Variants in PPM1E observed in about 807,000 individuals in gnomAD.
PPM1E encodes the protein protein phosphatase 1E.
A neutral mutation model predicts 65.9 loss-of-function variants in PPM1E; 20 were observed. The ratio of observed to expected loss-of-function variants is 0.30; its 90% CI spans 0.21 to 0.44. PPM1E has a LOEUF of 0.44. PPM1E is among the 20% of genes least tolerant of loss of function. PPM1E has a pLI of 1.00. For missense variants in PPM1E, 713 were observed against 953.1 expected, an observed-to-expected ratio of 0.75 and a Z score of 3.32; for synonymous variants, 352 against 374.9, an observed-to-expected ratio of 0.94 and a Z score of 0.70.
intron 2 of PPM1E, among the ~76,000 whole-genome samples, chr17:58,963,942 C>A (rs1407802174): frequency 1.3e-5 from 2 of 152,068 alleles, no homozygotes; most frequent in Non-Finnish European, 2.9e-5. Context: ...GGATTTACCA[C>A]CCTGTGCTAT....
intron 1 of PPM1E, among the ~76,000 whole-genome samples, chr17:58,782,409 T>G (rs1265504353): frequency 1.3e-5 from 2 of 151,408 alleles, no homozygotes; most frequent in African/African-American, 4.8e-5. Context: ...GTTTTTGTTT[T>G]TTTTTTTTTT....
At chr17:58,838,110 T>C (rs941767840) in intron 1 of PPM1E, among the ~76,000 whole-genome samples, 1 of 152,158 alleles carries the variant, frequency 6.6e-6, no homozygotes, top group African/African-American at 2.4e-5. Context: ...GAAGATAACA[T>C]AGGAGAAATC....
intron 1 of PPM1E, among the ~76,000 whole-genome samples, chr17:58,864,778 A>G (rs1357213531): frequency 6.6e-6 from 1 of 151,886 alleles, no homozygotes; most frequent in East Asian, 1.9e-4. Flanking sequence ...TGTACTGAAA[A>G]TACAAAAATT....
chr17:58,900,541 A>G lies in PPM1E; in HGVS notation c.465-55108A>G, dbSNP rs563842507. ...TGCTATTGTACACTTAATAGACTAC[A>G]GTATAATGTAAACATAGCTTTTATA... On this transcript the variant is annotated intron_variant, in intron 1 of 6. Transcript: ENST00000308249. 3.9e-5 allele frequency among the ~76,000 whole-genome samples: 6 copies of G among 152,358 alleles called. No individual in the cohort carries two copies. In the South Asian group the frequency reaches 1.0e-3, roughly 26 times the overall value.
At chr17:58,869,879 C>CT (rs1348207319) in intron 1 of PPM1E, among the ~76,000 whole-genome samples, 1 of 152,158 alleles carries the variant, frequency 6.6e-6, no homozygotes, top group Non-Finnish European at 1.5e-5. Flanking sequence ...TGTGCCTTTG[C>CT]TATCCTATTT....
intron 1 of PPM1E, among the ~76,000 whole-genome samples, chr17:58,918,337 A>ATTTTTATCAGGTAGCGTTTT (rs2051709239): frequency 6.6e-6 from 1 of 152,156 alleles, no homozygotes; most frequent in South Asian, 2.1e-4. Flanking sequence ...TCCTAAGGGC[A>ATTTTTATCAGGTAGCGTTTT]TATCGTTTTT....
At chr17:58,973,834 C>T (rs545247464) in intron 6 of PPM1E, among the ~76,000 whole-genome samples, 30 of 151,692 alleles carry the variant, frequency 2.0e-4, no homozygotes, top group African/African-American at 6.8e-4. Context: ...CGTCTGTAGT[C>T]CCAGCTACTT....
At chr17:58,881,384 C>A (rs542024630) in intron 1 of PPM1E, among the ~76,000 whole-genome samples, 1 of 152,268 alleles carries the variant, frequency 6.6e-6, no homozygotes, top group African/African-American at 2.4e-5. Flanking sequence ...CAAAAATTGG[C>A]CGGGCGTGGT....
chr17:58,963,599 C>T (rs984394060), intron 2 of PPM1E, among the ~76,000 whole-genome samples: 3 of 151,978 alleles, frequency 2.0e-5, no homozygotes, highest in Admixed American at 2.0e-4. Context: ...GTCCCAGCTA[C>T]TCGGGAGGCT....
chr17:58,837,796 C>A (rs1364502163), intron 1 of PPM1E, among the ~76,000 whole-genome samples: 1 of 152,154 alleles, frequency 6.6e-6, no homozygotes, highest in Non-Finnish European at 1.5e-5. Flanking sequence ...CCACAACCAG[C>A]CCATGAGGTT....
rs2049897937 is a variant in PPM1E, at chr17:58,767,862, G to A, written c.464+11401G>A. Among the ~76,000 whole-genome samples, 8 of 151,904 alleles carry A rather than the reference G, an allele frequency of 5.3e-5. No individual in the cohort carries two copies. The South Asian group carries it at 1.7e-3, about 32-fold the overall frequency. On this transcript the variant is annotated intron_variant, in intron 1 of 6. Coordinates refer to ENST00000308249, the MANE Select transcript of PPM1E (RefSeq NM_014906.5). ...TCTCCATGTCGGTCAGACTGGTCTC[G>A]AACTCCCGACCTCAGGTGATCCGCC...
intron 1 of PPM1E, among the ~76,000 whole-genome samples, chr17:58,898,079 G>T (rs1050486978): frequency 2.0e-5 from 3 of 151,856 alleles, no homozygotes; most frequent in Non-Finnish European, 2.9e-5. Flanking sequence ...GTGAAACTCC[G>T]TCTCTACTAA....
chr17:58,923,698 G>T (rs572458276), intron 1 of PPM1E, among the ~76,000 whole-genome samples: 35 of 147,914 alleles, frequency 2.4e-4, no homozygotes, highest in South Asian at 4.3e-4. Context: ...AGTGAGCTGA[G>T]ATCGCACTAC....
At chr17:58,931,066 T>TAAAAAAAAAA (rs774968022) in intron 1 of PPM1E, among the ~76,000 whole-genome samples, 2 of 83,120 alleles carry the variant, frequency 2.4e-5, no homozygotes, top group Non-Finnish European at 4.7e-5. Flanking sequence ...ATACAAAAAT[T>TAAAAAAAAAA]AAAAAAAAAA....
chr17:58,938,266 T>C (rs546906824), intron 1 of PPM1E, among the ~76,000 whole-genome samples: 1 of 152,292 alleles, frequency 6.6e-6, no homozygotes, highest in African/African-American at 2.4e-5. Context: ...GTTGAGGAAA[T>C]TGAAATCCAG....
At chr17:58,966,266 G>A in intron 3 of PPM1E, 1 of 368,710 alleles carries the variant, frequency 2.7e-6, no homozygotes, top group South Asian at 2.1e-5. Flanking sequence ...TGTAATCCTA[G>A]CACTTTGGGA....
At chr17:58,847,658 G>A (rs1272340375) in intron 1 of PPM1E, among the ~76,000 whole-genome samples, 3 of 152,308 alleles carry the variant, frequency 2.0e-5, no homozygotes, top group African/African-American at 7.2e-5. Flanking sequence ...GTACCATGCT[G>A]TTTTGGTTAC....
intron 1 of PPM1E, among the ~76,000 whole-genome samples, chr17:58,833,253 A>T (rs1047825687): frequency 6.6e-6 from 1 of 150,954 alleles, no homozygotes; most frequent in Non-Finnish European, 1.5e-5. Flanking sequence ...TCACACCCCA[A>T]TCCTAACCCC....
chr17:58,834,926 G>A (rs1474211081), intron 1 of PPM1E, among the ~76,000 whole-genome samples: 1 of 151,852 alleles, frequency 6.6e-6, no homozygotes, highest in African/African-American at 2.4e-5. Context: ...AATCTGTTAG[G>A]ATTTTTATAG....
Sources: allele counts gnomAD v4.1 joint callset (sites outside exome capture counted in the v4.1 genomes callset), GRCh38; gene constraint gnomAD v4.1.1; transcripts MANE v1.5; gene names NCBI Gene and HGNC (gene_info 2026-07-23, HGNC 2026-07-21).